SRFBP1: variants seen among roughly 807,000 people sequenced by gnomAD.
The protein encoded by SRFBP1 is serum response factor-binding protein 1.
SRFBP1 carries 47 observed loss-of-function variants against 45.5 expected under a neutral mutation model. The observed-to-expected ratio is 1.03, with a 90% confidence interval of 0.82 to 1.32. The LOEUF (loss-of-function observed/expected upper bound fraction) is 1.32, where lower values mean the gene tolerates loss of function less well. Among genes scored for constraint, SRFBP1 ranks in the 40% most tolerant of loss-of-function variants. The pLI is 0.00. For missense variants in SRFBP1, 621 were observed against 484.6 expected (o/e 1.28, Z -2.64); for synonymous variants, 203 against 166.3 (o/e 1.22, Z -1.70).
chr5:122,010,458 T>C (rs192452176), intron 4 of SRFBP1, among the ~76,000 whole-genome samples: 2 of 152,140 alleles, frequency 1.3e-5, no homozygotes, highest in African/African-American at 2.4e-5. Flanking sequence ...AACATCACTG[T>C]CACTTAAAAG....
At chr5:122,009,529 A>C (rs1753046410) in intron 4 of SRFBP1, among the ~76,000 whole-genome samples, 1 of 152,196 alleles carries the variant, frequency 6.6e-6, no homozygotes, top group Admixed American at 6.5e-5. Context: ...AATAAACATA[A>C]AGATGTGATA....
At chr5:122,070,960 T>C (rs1348430456) in intron 2 of SRFBP1, among the ~76,000 whole-genome samples, 2 of 152,154 alleles carry the variant, frequency 1.3e-5, no homozygotes, top group African/African-American at 4.8e-5. Context: ...AGTGAAATCC[T>C]CCCCAGTTTC....
At chr5:122,074,474 G>A (rs1055388209) in intron 2 of SRFBP1, among the ~76,000 whole-genome samples, 4 of 152,174 alleles carry the variant, frequency 2.6e-5, no homozygotes, top group Non-Finnish European at 4.4e-5. Context: ...CTGTGCTTAA[G>A]TGAAACTTGC....
At chr5:122,007,795 T>C (rs1417681403) in intron 4 of SRFBP1, among the ~76,000 whole-genome samples, 2 of 151,908 alleles carry the variant, frequency 1.3e-5, no homozygotes, top group African/African-American at 4.8e-5. Context: ...GGAGCCTGTC[T>C]CTGCACGTGC....
At chr5:122,036,893 GTT>G (rs537018868) in intron 2 of SRFBP1, among the ~76,000 whole-genome samples, 8 of 139,276 alleles carry the variant, frequency 5.7e-5, no homozygotes, top group Admixed American at 7.2e-5. Flanking sequence ...ACTCCTGTGA[GTT>G]TTTTTTTTTT....
In SRFBP1 at chr5:122,056,246, C is replaced by T. The variant is rs1417869759; in HGVS notation, n.312-19069C>T. On this transcript the variant is annotated intron_variant and non_coding_transcript_variant, in intron 2 of 2. Coordinates refer to the SRFBP1 transcript ENST00000504881. ...ACTTGTCTGGCAATTTGGGGCTGAT[C>T]TTTTTTGAATCTTTGTTCTTGAGTG... 2.0e-5 allele frequency among the ~76,000 whole-genome samples: 3 copies of T among 152,016 alleles called. No homozygotes were observed. In the East Asian group the frequency reaches 5.8e-4, roughly 29 times the overall value.
intron 1 of SRFBP1, among the ~76,000 whole-genome samples, chr5:121,973,830 CTTTGT>C (rs1488424209): frequency 6.6e-6 from 1 of 151,786 alleles, no homozygotes; most frequent in Non-Finnish European, 1.5e-5. Context: ...ATGAGTGAGG[CTTTGT>C]TTTAACGGTG....
chr5:121,975,398 G>A lies in SRFBP1; in HGVS notation c.198+11G>A. ...ATCCATGCCATGAAGGTAAGGACTT[G>A]TGTGGGTGTGTATGTGTGTATGTTT... On this transcript the variant is annotated intron_variant, in intron 3 of 7. Transcript: ENST00000339397. 1 of 1,613,060 alleles carries A rather than the reference G, an allele frequency of 6.2e-7. No homozygotes were observed. The highest frequency in any genetic ancestry group is 8.5e-7 in the Non-Finnish European group (1 of 1,179,226).
chr5:121,998,918 A>G (rs1358473664), intron 4 of SRFBP1, among the ~76,000 whole-genome samples: 3 of 152,046 alleles, frequency 2.0e-5, no homozygotes, highest in African/African-American at 7.2e-5. Context: ...TCCCTTTTAT[A>G]ATTTGTACCC....
intron 2 of SRFBP1, among the ~76,000 whole-genome samples, chr5:122,057,194 T>C (rs1408166149): frequency 6.6e-6 from 1 of 152,174 alleles, no homozygotes; most frequent in Non-Finnish European, 1.5e-5. Context: ...AGGTTAAAAT[T>C]ACACTTGACC....
chr5:122,032,628 T>C (rs189610291), downstream of SRFBP1, among the ~76,000 whole-genome samples: 10 of 152,366 alleles, frequency 6.6e-5, no homozygotes, highest in East Asian at 3.9e-4. Flanking sequence ...AATTGTCTTA[T>C]AGTACTCCAC....
intron 3 of SRFBP1, among the ~76,000 whole-genome samples, chr5:121,994,036 C>T (rs140319208): frequency 3.3e-5 from 5 of 152,022 alleles, no homozygotes; most frequent in African/African-American, 1.2e-4. Context: ...GAAGAAGATA[C>T]AATTGTTGTT....
Position 121,994,614 on chromosome 5 carries a change from A to T in SRFBP1, c.214A>T (p.Ile72Leu). ...TCTTTCACAGGAATTGAAACCTGAC[A>T]TAGTAACTAAATCTGCTCTTGGTGA... ...IHAMKELKPD[I>L]VTKSALGDDI... The change falls in exon 4 of 8, where the codon ATA becomes TTA. Residue 72 changes from isoleucine to leucine, a missense_variant. Physicochemically the swap from Ile to Leu is conservative, Grantham distance 5 (BLOSUM62 2). Coordinates refer to ENST00000339397, the MANE Select transcript of SRFBP1 (RefSeq NM_152546.3). 2 of 1,597,698 alleles carry T rather than the reference A, an allele frequency of 1.3e-6. No homozygotes were observed. The highest frequency in any genetic ancestry group is 1.1e-5 in the South Asian group (1 of 87,804).
intron 1 of SRFBP1, among the ~76,000 whole-genome samples, chr5:121,968,058 G>A (rs995329497): frequency 1.3e-5 from 2 of 151,606 alleles, no homozygotes; most frequent in Non-Finnish European, 2.9e-5. Context: ...CACAATTTTA[G>A]TAACATACGT....
At chr5:122,015,920 A>G (rs1260131220) in intron 4 of SRFBP1, among the ~76,000 whole-genome samples, 3 of 152,028 alleles carry the variant, frequency 2.0e-5, no homozygotes, top group Admixed American at 6.6e-5. Context: ...TATCCCCTCC[A>G]TCCTCCTCAT....
downstream of SRFBP1, among the ~76,000 whole-genome samples, chr5:122,030,612 T>A (rs1254756688): frequency 6.6e-6 from 1 of 151,536 alleles, no homozygotes; most frequent in East Asian, 1.9e-4. Flanking sequence ...TTTTTTTTTT[T>A]AACATCAAGA....
downstream of SRFBP1, chr5:122,077,513 C>T (rs1800449): frequency 0.17 from 274,671 of 1,613,690 alleles, 23,736 homozygotes; most frequent in East Asian, 0.19. This position sits in a 1 kb window ranked among gnomAD's most constrained non-coding sequence, Gnocchi z 4.9. Context: ...GCTGGGCGGC[C>T]GCAGGTTACT....
At chr5:121,988,552 A>C (rs553961189) in intron 3 of SRFBP1, among the ~76,000 whole-genome samples, 1 of 152,386 alleles carries the variant, frequency 6.6e-6, no homozygotes, top group East Asian at 1.9e-4. Flanking sequence ...CAACATGTTC[A>C]AAGTGTTGTC....
chr5:122,059,161 G>C (rs1432778517), intron 2 of SRFBP1, among the ~76,000 whole-genome samples: 1 of 152,064 alleles, frequency 6.6e-6, no homozygotes, highest in Non-Finnish European at 1.5e-5. Context: ...AAAATGGTAG[G>C]AGATGGGGCA....
Sources: allele counts gnomAD v4.1 joint callset (sites outside exome capture counted in the v4.1 genomes callset), GRCh38; gene constraint gnomAD v4.1.1; non-coding constraint Gnocchi (gnomAD v3.1); transcripts MANE v1.5; gene names NCBI Gene and HGNC (gene_info 2026-07-23, HGNC 2026-07-21).